The following NTNG1 variants were observed in gnomAD, a reference collection of about 807,000 sequenced individuals.
The protein encoded by NTNG1 is netrin G1.
Under a neutral mutation model 54.0 loss-of-function variants are expected in NTNG1, and 16 were observed. That is an observed-to-expected ratio of 0.30 (90% CI 0.20 to 0.45). The LOEUF (loss-of-function observed/expected upper bound fraction) is 0.45, where lower values mean the gene tolerates loss of function less well. Ranked by LOEUF, NTNG1 falls within the 20% of genes least tolerant of loss-of-function variation. NTNG1 has a pLI of 1.00. For synonymous variants in NTNG1, 255 were observed against 263.1 expected (o/e 0.97, Z 0.30); for missense variants, 530 against 678.7 (o/e 0.78, Z 2.43).
intron 2 of NTNG1, among the ~76,000 whole-genome samples, chr1:107,219,357 C>T (rs181273793): frequency 6.6e-4 from 101 of 152,234 alleles, no homozygotes; most frequent in African/African-American, 2.3e-3. Flanking sequence ...TGGACTTCAT[C>T]CTTCTCTGGT....
chr1:107,317,173 C>T (rs182908412), intron 2 of NTNG1, among the ~76,000 whole-genome samples: 1 of 152,292 alleles, frequency 6.6e-6, no homozygotes, highest in East Asian at 1.9e-4. Context: ...CTCATGATAC[C>T]TGATGGAATC....
intron 2 of NTNG1, among the ~76,000 whole-genome samples, chr1:107,164,000 A>G (rs1226349178): frequency 6.6e-6 from 1 of 152,204 alleles, no homozygotes; most frequent in Non-Finnish European, 1.5e-5. Flanking sequence ...GATTTCCGTC[A>G]CACTGCTACT....
chr1:107,428,272 T>C (rs1290351434), intron 5 of NTNG1, among the ~76,000 whole-genome samples: 1 of 152,182 alleles, frequency 6.6e-6, no homozygotes, highest in Non-Finnish European at 1.5e-5. Flanking sequence ...GTGCACATCC[T>C]GTAGGACATT....
intron 3 of NTNG1, among the ~76,000 whole-genome samples, chr1:107,361,392 T>TATATATA (rs1553232702): frequency 0.032 from 749 of 23,436 alleles, 13 homozygotes; most frequent in African/African-American, 0.047. Flanking sequence ...TATATATATA[T>TATATATA]TTTTTTTTTT....
intron 2 of NTNG1, among the ~76,000 whole-genome samples, chr1:107,175,887 G>A (rs188133714): frequency 6.6e-6 from 1 of 152,266 alleles, no homozygotes; most frequent in Non-Finnish European, 1.5e-5. Context: ...TTTGTCAGTT[G>A]ATTATGTCTC....
chr1:107,401,874 CCA>C (rs1673063282), intron 4 of NTNG1, among the ~76,000 whole-genome samples: 2 of 152,058 alleles, frequency 1.3e-5, no homozygotes, highest in East Asian at 1.9e-4. Flanking sequence ...TGAGTTTCCT[CCA>C]TCTGTAAAAT....
At chr1:107,396,857 A>G (rs1672716248) in intron 4 of NTNG1, among the ~76,000 whole-genome samples, 1 of 152,194 alleles carries the variant, frequency 6.6e-6, no homozygotes, top group African/African-American at 2.4e-5. Flanking sequence ...TCAGCTTGCC[A>G]AGACCACTGG....
intron 3 of NTNG1, among the ~76,000 whole-genome samples, chr1:107,389,892 A>T (rs566255315): frequency 2.0e-5 from 3 of 152,216 alleles, no homozygotes; most frequent in African/African-American, 7.2e-5. Flanking sequence ...TGGGAGCTGG[A>T]TGGCCATGGG....
chr1:107,222,799 CTTTT>C (rs113401472), intron 2 of NTNG1, among the ~76,000 whole-genome samples: 1 of 109,050 alleles, frequency 9.2e-6, no homozygotes, highest in East Asian at 2.7e-4. Context: ...ACCAGTGCTG[CTTTT>C]TTTTTTTTTT....
At chr1:107,256,380 GTATT>G (rs1217959639) in intron 2 of NTNG1, among the ~76,000 whole-genome samples, 1 of 152,134 alleles carries the variant, frequency 6.6e-6, no homozygotes, top group African/African-American at 2.4e-5. Context: ...ATGAGTAAAT[GTATT>G]TATGCACTAT....
chr1:107,189,461 GAAA>G (rs963880801), intron 2 of NTNG1, among the ~76,000 whole-genome samples: 1 of 133,376 alleles, frequency 7.5e-6, no homozygotes, highest in Admixed American at 7.7e-5. Flanking sequence ...CAGTGGTCTT[GAAA>G]AAAAAAAGGC....
intron 2 of NTNG1, among the ~76,000 whole-genome samples, chr1:107,201,071 A>T (rs1658718199): frequency 6.6e-6 from 1 of 151,816 alleles, no homozygotes. Flanking sequence ...GAAGGAAATA[A>T]TTCAAATATT....
At chr1:107,218,397 TA>T (rs1435887068) in intron 2 of NTNG1, among the ~76,000 whole-genome samples, 1 of 152,162 alleles carries the variant, frequency 6.6e-6, no homozygotes, top group Admixed American at 6.5e-5. Flanking sequence ...GGTGAGTTCT[TA>T]TCATTCTGCC....
At chr1:107,268,934 T>TA (rs1277589309) in intron 2 of NTNG1, among the ~76,000 whole-genome samples, 3 of 152,172 alleles carry the variant, frequency 2.0e-5, no homozygotes, top group African/African-American at 2.4e-5. Context: ...CAAGCCATTG[T>TA]CATCTCCCAT....
At chr1:107,246,608 A>G (rs975170196) in intron 2 of NTNG1, among the ~76,000 whole-genome samples, 2 of 152,034 alleles carry the variant, frequency 1.3e-5, no homozygotes, top group Admixed American at 6.5e-5. Context: ...GTAATATAAT[A>G]TATACATTAT....
Position 107,435,352 on chromosome 1 carries a change from T to C in NTNG1, c.1256-1313T>C, listed in dbSNP as rs1015845819. 1.4e-4 allele frequency among the ~76,000 whole-genome samples: 22 copies of C among 152,156 alleles called. 1 individual carries two copies. Among genetic ancestry groups the C allele is most frequent in the African/African-American group, 5.1e-4 (21 of 41,456 alleles). On this transcript the variant is annotated intron_variant, in intron 6 of 7. Coordinates refer to ENST00000370068, the MANE Select transcript of NTNG1 (RefSeq NM_001113226.3). ...TTAAAATAAAACTCTAGTTGTTAAG[T>C]ACAAACTAAGCCAGGCAAGGAGAGA...
At chr1:107,175,516 A>G (rs1273050395) in intron 2 of NTNG1, among the ~76,000 whole-genome samples, 1 of 152,100 alleles carries the variant, frequency 6.6e-6, no homozygotes, top group Admixed American at 6.5e-5. Flanking sequence ...ACGGCAATCA[A>G]TGTTCATAGC....
chr1:107,188,088 C>T (rs1657600974), intron 2 of NTNG1, among the ~76,000 whole-genome samples: 1 of 151,910 alleles, frequency 6.6e-6, no homozygotes, highest in Admixed American at 6.6e-5. Flanking sequence ...ATGTGCCACT[C>T]AGCGTTGCTG....
intron 7 of NTNG1, 75 bp from the exon 8 acceptor site, chr1:107,480,536 T>G: frequency 1.2e-6 from 1 of 866,556 alleles, no homozygotes; most frequent in Non-Finnish European, 1.8e-6. Flanking sequence ...AAACATGATG[T>G]ACCAGATGAA....
Sources: gnomAD v4.1 joint callset for allele counts (sites outside exome capture counted in the v4.1 genomes callset) on GRCh38, gnomAD v4.1.1 for gene constraint, MANE v1.5 for transcripts, NCBI Gene and HGNC (gene_info 2026-07-23, HGNC 2026-07-21) for gene names.